The following KAT2B variants were observed in gnomAD, a reference collection of about 807,000 sequenced individuals.
KAT2B encodes the protein lysine acetyltransferase 2B, also known as histone acetyltransferase KAT2B.
Under a neutral mutation model 105.9 loss-of-function variants are expected in KAT2B, and 36 were observed. The observed-to-expected ratio is 0.34, with a 90% CI of 0.26 to 0.45. The LOEUF (loss-of-function observed/expected upper bound fraction) is 0.45, where lower values mean the gene tolerates loss of function less well. Ranked by LOEUF, KAT2B falls within the 20% of genes least tolerant of loss-of-function variation. The probability of loss-of-function intolerance (pLI) is 1.00; values close to 1 mark genes in which losing one functional copy is unlikely to be tolerated. For synonymous variants in KAT2B, 397 were observed against 377.9 expected, an observed-to-expected ratio of 1.05 and a Z score of -0.59; for missense variants, 820 against 1,021.6, an observed-to-expected ratio of 0.80 and a Z score of 2.69.
At position 20,152,620 on chromosome 3, in the gene KAT2B, AAG is replaced by A. The variant is rs769995400; in HGVS notation, c.*99_*100del. 1.0e-4 allele frequency: 98 copies of A among 939,826 alleles called. No homozygotes were observed. The highest frequency in any genetic ancestry group is 1.4e-4 in the Non-Finnish European group (90 of 629,404). 58.2% of individuals were successfully genotyped at this position (939,826 alleles called of 1,614,324 possible). ...ACAAAGAATTGGACATGATGTATTG[AAG>A]AGACTTGTAAATGTAATAATTAGCA... is the stretch of plus-strand genomic sequence containing the variant. On this transcript the variant is annotated 3_prime_UTR_variant, in exon 18 of 18. Transcript: ENST00000263754.
intron 1 of KAT2B, among the ~76,000 whole-genome samples, chr3:20,047,991 T>A (rs1697845761): frequency 6.6e-6 from 1 of 152,188 alleles, no homozygotes; most frequent in African/African-American, 2.4e-5. Flanking sequence ...ATTAGAAATA[T>A]CTTTTTGGCA....
At chr3:20,098,306 A>G (rs1206834376) in intron 3 of KAT2B, among the ~76,000 whole-genome samples, 2 of 152,074 alleles carry the variant, frequency 1.3e-5, no homozygotes, top group Non-Finnish European at 2.9e-5. Flanking sequence ...AAGTTGAAGT[A>G]TATCTTAGTG....
At position 20,089,399 on chromosome 3, in the gene KAT2B, CTTT is replaced by C. The variant is rs60958319; in HGVS notation, c.431-5847_431-5845del. 7.9e-3 allele frequency among the ~76,000 whole-genome samples: 975 copies of C among 123,996 alleles called. 5 individuals are homozygous for C. The highest frequency in any genetic ancestry group is 0.027 in the African/African-American group (822 of 30,584). 81.3% of individuals were successfully genotyped at this position (123,996 alleles called of 152,430 possible). On this transcript the variant is annotated intron_variant, in intron 2 of 17. Transcript: ENST00000263754. ...TTATCACTTATTCGTGTCTTCTTCACTTTTTTTTTTTTTTTTTTTGAGATGGAG... is the reference window on the plus strand; with the variant it reads ...TTATCACTTATTCGTGTCTTCTTCACTTTTTTTTTTTTTTTTGAGATGGAG...
chr3:20,062,506 G>T (rs1426646637), intron 1 of KAT2B, among the ~76,000 whole-genome samples: 1 of 143,694 alleles, frequency 7.0e-6, no homozygotes, highest in Non-Finnish European at 1.5e-5. Context: ...CTGTCACCCA[G>T]GCTGGAGTGC....
chr3:20,076,417 A>G (rs1349877311), intron 2 of KAT2B, among the ~76,000 whole-genome samples: 3 of 152,090 alleles, frequency 2.0e-5, no homozygotes, highest in Admixed American at 6.6e-5. Flanking sequence ...CACATTTTCA[A>G]GTGGTCTTGG....
At chr3:20,113,418 T>C (rs556243128) in intron 6 of KAT2B, among the ~76,000 whole-genome samples, 4 of 152,350 alleles carry the variant, frequency 2.6e-5, no homozygotes, top group Admixed American at 2.6e-4. Context: ...TTTTTTCCCA[T>C]AACAAATTCA....
At chr3:20,131,822 C>T (rs952828616) in intron 11 of KAT2B, among the ~76,000 whole-genome samples, 1 of 152,176 alleles carries the variant, frequency 6.6e-6, no homozygotes, top group Non-Finnish European at 1.5e-5. Context: ...CCTTGGCCCC[C>T]CAAAGTGCTG....
intron 1 of KAT2B, among the ~76,000 whole-genome samples, chr3:20,067,326 CT>C (rs879470175): frequency 2.3e-4 from 33 of 146,378 alleles, no homozygotes; most frequent in Non-Finnish European, 2.9e-4. Context: ...CAAGATGTAA[CT>C]TTTTTTTTTT....
At position 20,108,221 on chromosome 3, in the gene KAT2B, T is replaced by G. The variant is rs116633408; in HGVS notation, c.852-3375T>G. The stretch of plus-strand genomic sequence containing the variant: ...AAGTTGTGTTTAATGGGAAAACATT[T>G]TACACTGTTTCCATTTAAAAGTAAA... On this transcript the variant is annotated intron_variant, in intron 5 of 17. Coordinates refer to ENST00000263754, the MANE Select transcript of KAT2B (RefSeq NM_003884.5). Among the ~76,000 whole-genome samples, 303 of 152,308 alleles carry G rather than the reference T, an allele frequency of 2.0e-3. 1 individual carries two copies. Among genetic ancestry groups the G allele is most frequent in the African/African-American group, 7.0e-3 (293 of 41,574 alleles).
chr3:20,138,214 A>T (rs754552709), intron 12 of KAT2B, among the ~76,000 whole-genome samples: 21 of 152,050 alleles, frequency 1.4e-4, no homozygotes, highest in Admixed American at 3.9e-4. Flanking sequence ...TTATTTTAAA[A>T]TTTTTTCTGT....
chr3:20,054,122 GT>G (rs1306733035), intron 1 of KAT2B, among the ~76,000 whole-genome samples: 1 of 150,266 alleles, frequency 6.7e-6, no homozygotes, highest in Non-Finnish European at 1.5e-5. Flanking sequence ...TTTTGTTTTT[GT>G]TTTTTGTTTT....
intron 12 of KAT2B, among the ~76,000 whole-genome samples, chr3:20,139,217 ACTT>A (rs10634874): frequency 2.7e-5 from 4 of 150,734 alleles, no homozygotes; most frequent in African/African-American, 7.4e-5. Context: ...ACCCAGCCAG[ACTT>A]CTTTTTTTTT....
intron 10 of KAT2B, among the ~76,000 whole-genome samples, chr3:20,127,149 C>T (rs1307468951): frequency 6.6e-6 from 1 of 152,200 alleles, no homozygotes; most frequent in Non-Finnish European, 1.5e-5. Flanking sequence ...AGCACCTCTG[C>T]ACATACTCTG....
Position 20,140,215 on chromosome 3 carries a change from T to A in KAT2B, c.1861-6T>A. ...GTTCATATGAATGAATTTACTTGCT[T>A]TTCAGGGTTTCTCCAAAGAAATTAA... On this transcript the variant is annotated splice_region_variant and splice_polypyrimidine_tract_variant and intron_variant, in intron 12 of 17. Coordinates refer to ENST00000263754, the MANE Select transcript of KAT2B (RefSeq NM_003884.5). 1 of 1,581,396 alleles carries A rather than the reference T, an allele frequency of 6.3e-7. No individual in the cohort carries two copies. Among genetic ancestry groups the A allele is most frequent in the East Asian group, 2.2e-5 (1 of 44,720 alleles).
At chr3:20,147,418 T>C (rs1255904107) in intron 14 of KAT2B, among the ~76,000 whole-genome samples, 1 of 152,170 alleles carries the variant, frequency 6.6e-6, no homozygotes, top group Non-Finnish European at 1.5e-5. Context: ...TTTAGGGTTC[T>C]GTTTTATAGA....
At chr3:20,064,575 C>T (rs1208899616) in intron 1 of KAT2B, among the ~76,000 whole-genome samples, 1 of 152,128 alleles carries the variant, frequency 6.6e-6, no homozygotes, top group Non-Finnish European at 1.5e-5. Context: ...TGAGTCCTTC[C>T]TCTCTCACAA....
intron 1 of KAT2B, among the ~76,000 whole-genome samples, chr3:20,068,144 G>A (rs973549480): frequency 2.2e-4 from 34 of 151,158 alleles, no homozygotes; most frequent in African/African-American, 8.0e-4. Context: ...TTACAGGTGT[G>A]CACCACCATG....
At chr3:20,098,647 T>C (rs1157304167) in intron 3 of KAT2B, among the ~76,000 whole-genome samples, 1 of 152,202 alleles carries the variant, frequency 6.6e-6, no homozygotes, top group African/African-American at 2.4e-5. Context: ...AGTTCCTAAA[T>C]GGTCTTATTT....
intron 16 of KAT2B, 23 bp from the exon 17 acceptor site, chr3:20,148,380 C>T: frequency 6.2e-7 from 1 of 1,609,264 alleles, no homozygotes; most frequent in Non-Finnish European, 8.5e-7. Context: ...ATATTAGATA[C>T]CTTACTTTTT....
Sources: gnomAD v4.1 joint callset for allele counts (sites outside exome capture counted in the v4.1 genomes callset) on GRCh38, gnomAD v4.1.1 for gene constraint, MANE v1.5 for transcripts, NCBI Gene and HGNC (gene_info 2026-07-23, HGNC 2026-07-21) for gene names.